Variants in FGF13 observed in about 807,000 individuals in gnomAD.
FGF13 encodes the protein fibroblast growth factor 13.
Under a neutral mutation model 19.5 loss-of-function variants are expected in FGF13, and 2 were observed. The ratio of observed to expected loss-of-function variants is 0.10; its 90% CI spans 0.04 to 0.32. The LOEUF is 0.32. FGF13 is among the 10% of genes least tolerant of loss of function. FGF13 has a pLI of 1.00. For synonymous variants in FGF13, 72 were observed against 76.9 expected (o/e 0.94, Z 0.33); for missense variants, 113 against 192.7 (o/e 0.59, Z 2.45).
intron 1 of FGF13, among the ~76,000 whole-genome samples, chrX:139,008,373 G>A (rs1341026306): frequency 8.9e-6 from 1 of 112,321 alleles, no homozygotes; most frequent in African/African-American, 3.2e-5. Context: ...TCACCTCCTG[G>A]CTGGAGGCCA....
At chrX:139,129,500 G>A (rs2083745412) in intron 1 of FGF13, among the ~76,000 whole-genome samples, 1 of 110,797 alleles carries the variant, frequency 9.0e-6, no homozygotes, top group East Asian at 2.9e-4. Context: ...AGGAGGAAGA[G>A]GCATTTTTTG....
chrX:139,130,045 CA>C (rs1436824441), intron 1 of FGF13, among the ~76,000 whole-genome samples: 1 of 112,211 alleles, frequency 8.9e-6, no homozygotes, highest in Non-Finnish European at 1.9e-5. Context: ...AAGGAACTAA[CA>C]AAAGATTGAA....
At chrX:138,978,164 C>T (rs1214508681) in intron 1 of FGF13, among the ~76,000 whole-genome samples, 1 of 110,801 alleles carries the variant, frequency 9.0e-6, no homozygotes, top group African/African-American at 3.3e-5. Flanking sequence ...CACTGCCAGG[C>T]CACTTCCTTC....
intron 3 of FGF13, among the ~76,000 whole-genome samples, chrX:138,689,694 A>G (rs1357825756): frequency 1.8e-5 from 2 of 111,976 alleles, no homozygotes; most frequent in Non-Finnish European, 3.8e-5. Flanking sequence ...ATAAAATAAA[A>G]TGCTGCTCTA....
intron 1 of FGF13, among the ~76,000 whole-genome samples, chrX:138,886,120 G>A (rs772117758): frequency 3.6e-5 from 4 of 111,600 alleles, no homozygotes; most frequent in South Asian, 3.7e-4. Flanking sequence ...CAATTCTGCC[G>A]GTCATGAGGG....
intron 3 of FGF13, among the ~76,000 whole-genome samples, chrX:138,689,831 C>T (rs1024872447): frequency 8.9e-6 from 1 of 111,918 alleles, no homozygotes; most frequent in African/African-American, 3.2e-5. Context: ...CAGTTTCATG[C>T]CTTGATCAGA....
At position 139,035,524 on chromosome X, in the gene FGF13, CT is replaced by C. The variant is rs1204806028; in HGVS notation, c.-113+167891del. Among the ~76,000 whole-genome samples, 4 of 111,663 alleles carry C rather than the reference CT, an allele frequency of 3.6e-5. No individual in the cohort carries two copies. In the East Asian group the frequency reaches 1.1e-3, roughly 32 times the overall value. ...AAATACTCATAAGCGTAAAAACACA[CT>C]AGTTGCTGAAGAGAAACACAGCTTT... is the stretch of plus-strand genomic sequence containing the variant. On this transcript the variant is annotated intron_variant, in intron 1 of 2. Coordinates refer to the FGF13 transcript ENST00000421460.
At chrX:139,094,747 G>C (rs1354309666) in intron 1 of FGF13, among the ~76,000 whole-genome samples, 1 of 112,359 alleles carries the variant, frequency 8.9e-6, no homozygotes. Flanking sequence ...CCCAGCCTGG[G>C]ACGTTCCATC....
chrX:138,905,531 C>T (rs901246201), intron 1 of FGF13, among the ~76,000 whole-genome samples: 5 of 111,696 alleles, frequency 4.5e-5, no homozygotes, highest in African/African-American at 6.5e-5. Flanking sequence ...TTTGGATGCA[C>T]GTATAAATGA....
chrX:139,183,083 G>A (rs758106400), intron 1 of FGF13, among the ~76,000 whole-genome samples: 3 of 111,620 alleles, frequency 2.7e-5, no homozygotes, highest in Non-Finnish European at 5.6e-5. Flanking sequence ...AAGGGGAAGG[G>A]CAAATCTGCA....
chrX:138,832,194 G>A (rs1220834262), intron 3 of FGF13, among the ~76,000 whole-genome samples: 1 of 112,082 alleles, frequency 8.9e-6, no homozygotes, highest in Non-Finnish European at 1.9e-5. Context: ...GGATTGTTGA[G>A]TTGAATGGTA....
chrX:138,994,572 C>G (rs2092033155), intron 1 of FGF13, among the ~76,000 whole-genome samples: 1 of 111,178 alleles, frequency 9.0e-6, no homozygotes, highest in African/African-American at 3.3e-5. Flanking sequence ...TTATATTTTC[C>G]TATACATATA....
At position 138,777,462 on chromosome X, in the gene FGF13, A is replaced by G. The variant is rs2090596613; in HGVS notation, c.218-68534T>C. 3.6e-5 allele frequency among the ~76,000 whole-genome samples: 4 copies of G among 111,940 alleles called. No individual in the cohort carries two copies. The South Asian group carries it at 1.5e-3, about 42-fold the overall frequency. On this transcript the variant is annotated intron_variant, in intron 3 of 6. Transcript: ENST00000436198. ...CAAGAGGGTGCCCTGTACGTGAAGC[A>G]TTTTTGTCCCAACAAAGGAGAAAAA...
chrX:138,835,083 G>A lies in FGF13; in HGVS notation c.217+22429C>T, dbSNP rs776785299. ...AGGAGTGTTTCACTTCTGATTACGT[G>A]ATCAATTTTAGACTAAGTGCCATGT... On this transcript the variant is annotated intron_variant, in intron 3 of 6. Transcript: ENST00000436198. 6.4e-4 allele frequency among the ~76,000 whole-genome samples: 72 copies of A among 111,733 alleles called. 1 individual carries two copies. The highest frequency in any genetic ancestry group is 1.1e-3 in the Non-Finnish European group (60 of 53,111).
intron 1 of FGF13, among the ~76,000 whole-genome samples, chrX:138,721,765 TG>T (rs759543465): frequency 3.6e-5 from 4 of 110,104 alleles, no homozygotes; most frequent in South Asian, 7.5e-4. Flanking sequence ...ATTTTATGAA[TG>T]GCATACAAAA....
At chrX:139,031,447 C>T (rs2124394263) in intron 1 of FGF13, among the ~76,000 whole-genome samples, 1 of 110,843 alleles carries the variant, frequency 9.0e-6, no homozygotes, top group South Asian at 3.8e-4. Flanking sequence ...GACATTTTTA[C>T]CACCTACTCT....
chrX:139,187,927 T>C (rs1043347662), intron 1 of FGF13, among the ~76,000 whole-genome samples: 2 of 111,896 alleles, frequency 1.8e-5, no homozygotes, highest in African/African-American at 3.3e-5. Flanking sequence ...AAGTAAGCCA[T>C]GTTCTTGCTC....
In FGF13 at chrX:138,789,818, G is replaced by A. The variant is rs184809279; in HGVS notation, c.217+67694C>T. Among the ~76,000 whole-genome samples, 124 of 107,778 alleles carry A rather than the reference G, an allele frequency of 1.2e-3. 1 individual carries two copies. The highest frequency in any genetic ancestry group is 9.7e-3 in the Middle Eastern group (2 of 206). The allele number at this position is 107,778 out of a possible 115,157, so 93.6% of individuals were successfully genotyped here. A position where few individuals can be genotyped will look rare whatever the true frequency, so the allele number is the denominator to read the frequency against. On this transcript the variant is annotated intron_variant, in intron 3 of 6. Coordinates refer to the FGF13 transcript ENST00000436198. ...CCCAGCACTGTGGGAGGCCGAGGCG[G>A]GTGGATCACGAGGCCAGGAGATCGA...
At chrX:138,666,695 A>G (rs1395862867) in intron 3 of FGF13, among the ~76,000 whole-genome samples, 2 of 111,601 alleles carry the variant, frequency 1.8e-5, no homozygotes, top group African/African-American at 6.5e-5. Context: ...TGAAAATACT[A>G]TAAATTTTAA....
Sources: gnomAD v4.1 joint callset for allele counts (sites outside exome capture counted in the v4.1 genomes callset) on GRCh38, gnomAD v4.1.1 for gene constraint, MANE v1.5 for transcripts, NCBI Gene and HGNC (gene_info 2026-07-23, HGNC 2026-07-21) for gene names.